The following UNC80 variants were observed in gnomAD, a reference collection of about 807,000 sequenced individuals.
UNC80 encodes the protein protein unc-80 homolog.
In UNC80, 164 loss-of-function variants were observed where a neutral mutation model predicts 384.6. That is an observed-to-expected ratio of 0.43 (90% CI 0.38 to 0.49). UNC80 has a LOEUF of 0.49. UNC80 is among the 20% of genes least tolerant of loss of function. The pLI, the probability that UNC80 is intolerant of heterozygous loss-of-function variation, is 0.00. For missense variants in UNC80, 3,330 were observed against 4,143.0 expected (o/e 0.80, Z 5.39); for synonymous variants, 1,486 against 1,527.8 (o/e 0.97, Z 0.64).
intron 13 of UNC80, among the ~76,000 whole-genome samples, chr2:209,822,172 A>G (rs997861155): frequency 6.6e-6 from 1 of 152,202 alleles, no homozygotes; most frequent in African/African-American, 2.4e-5. Context: ...AGCCTTTTCT[A>G]TACGATTTTC....
chr2:209,984,187 C>A (rs1047773952), intron 60 of UNC80, among the ~76,000 whole-genome samples: 5 of 152,212 alleles, frequency 3.3e-5, no homozygotes, highest in African/African-American at 1.2e-4. Flanking sequence ...CTCTCACCAA[C>A]CTGACAGGTT....
At chr2:209,814,457 A>T (rs1011632692) in intron 8 of UNC80, among the ~76,000 whole-genome samples, 2 of 152,140 alleles carry the variant, frequency 1.3e-5, no homozygotes, top group Non-Finnish European at 2.9e-5. Flanking sequence ...CGTGTTAGCC[A>T]GGATTGTCTC....
At chr2:209,896,891 G>GA (rs1224041247) in intron 28 of UNC80, among the ~76,000 whole-genome samples, 1 of 152,156 alleles carries the variant, frequency 6.6e-6, no homozygotes, top group Non-Finnish European at 1.5e-5. Context: ...TGATCCCAGG[G>GA]AAACTCTGGG....
rs1196135679 is a variant in UNC80 at position 209,921,484 on chromosome 2, C to G, written c.5344-16C>G. ...AAGAATTGCTATTAAATGAACTTGC[C>G]TTTATGTCTCCACAGAAATCCTTTT... On this transcript the variant is annotated splice_polypyrimidine_tract_variant and intron_variant, in intron 33 of 64. Coordinates refer to ENST00000673920, the MANE Select transcript of UNC80 (RefSeq NM_001371986.1). 1 of 1,532,638 alleles carries G rather than the reference C, an allele frequency of 6.5e-7. No individual in the cohort carries two copies. Among genetic ancestry groups the G allele is most frequent in the Non-Finnish European group, 8.8e-7 (1 of 1,138,014 alleles). The allele number at this position is 1,532,638 out of a possible 1,614,324, so 94.9% of individuals were successfully genotyped here.
chr2:209,855,534 A>T (rs1423414101), intron 22 of UNC80, among the ~76,000 whole-genome samples: 1 of 152,170 alleles, frequency 6.6e-6, no homozygotes, highest in Admixed American at 6.5e-5. Context: ...AAAAAAATCT[A>T]AAAATCACAT....
chr2:209,809,675 C>A, intron 7 of UNC80: 1 of 545,584 alleles, frequency 1.8e-6, no homozygotes, highest in Non-Finnish European at 3.3e-6. Context: ...ACACCATGTC[C>A]TCATGCCACA....
At position 209,936,881 on chromosome 2, in the gene UNC80, C is replaced by T. The variant is rs769091897; in HGVS notation, c.6311C>T (p.Ser2104Leu). The change falls in exon 41 of 65, where the codon TCA becomes TTA. Residue 2104 changes from serine (S) to leucine (L), a missense_variant. This residue lies in a region of UNC80 where 1,049 missense variants were observed against 1,488.6 expected (regional missense o/e 0.70). Coordinates refer to ENST00000673920, the MANE Select transcript of UNC80 (RefSeq NM_001371986.1). ...LEFFNIPESQ[S>L]THYFLMDKRW... ...TTTTTTAATATCCCAGAATCCCAGT[C>T]AACACATTATTTTCTTATGGATAAA... is the stretch of plus-strand genomic sequence containing the variant. 7 of 1,550,922 alleles carry T rather than the reference C, an allele frequency of 4.5e-6. No homozygotes were observed. The highest frequency in any genetic ancestry group is 6.1e-6 in the Non-Finnish European group (7 of 1,146,404).
chr2:209,807,915 G>A (rs946094634), intron 7 of UNC80, among the ~76,000 whole-genome samples: 21 of 152,252 alleles, frequency 1.4e-4, no homozygotes, highest in African/African-American at 3.8e-4. Context: ...ATTTGCTACT[G>A]AACGTCTTGT....
At chr2:209,918,862 G>A (rs1434807891) in intron 33 of UNC80, among the ~76,000 whole-genome samples, 199 bp downstream of exon 33, 1 of 152,046 alleles carries the variant, frequency 6.6e-6, no homozygotes, top group Non-Finnish European at 1.5e-5. Flanking sequence ...AAAAAGTCTT[G>A]TTTTATAATC....
intron 61 of UNC80, among the ~76,000 whole-genome samples, chr2:209,987,055 G>A (rs986700892): frequency 4.6e-5 from 7 of 152,296 alleles, no homozygotes; most frequent in African/African-American, 1.7e-4. Context: ...TAGTCCTGAT[G>A]AAAATCTGGC....
Position 209,918,681 on chromosome 2 carries a change from C to T in UNC80, c.5343+18C>T. 6.5e-7 allele frequency: 1 copy of T among 1,536,338 alleles called. No individual in the cohort carries two copies. The highest frequency in any genetic ancestry group is 8.8e-7 in the Non-Finnish European group (1 of 1,136,734). On this transcript the variant is annotated intron_variant, in intron 33 of 64. Transcript: ENST00000673920. The stretch of plus-strand genomic sequence containing the variant: ...ACCAGTCTGTGAGTAACAGACACTT[C>T]CAGGTTCCATGGTGTACGTGTAAAA...
At chr2:209,927,974 G>A (rs2090565214) in intron 36 of UNC80, among the ~76,000 whole-genome samples, 1 of 152,024 alleles carries the variant, frequency 6.6e-6, no homozygotes, top group Non-Finnish European at 1.5e-5. Flanking sequence ...TATAAAAAGT[G>A]TTAATACATT....
intron 61 of UNC80, 108 bp from the exon 62 acceptor site, chr2:209,992,058 G>A (rs1350029508): frequency 1.3e-6 from 1 of 768,412 alleles, no homozygotes; most frequent in Non-Finnish European, 2.0e-6. Context: ...CAAAGATAAT[G>A]GTATCTTTGA....
chr2:209,817,074 G>A lies in UNC80; in HGVS notation c.1501G>A (p.Gly501Arg). 1 of 1,551,754 alleles carries A rather than the reference G, an allele frequency of 6.4e-7. No homozygotes were observed. Among genetic ancestry groups the A allele is most frequent in the Non-Finnish European group, 8.7e-7 (1 of 1,147,012 alleles). The change falls in exon 10 of 65, where the codon GGA becomes AGA. Residue 501 changes from glycine (G) to arginine (R), a missense_variant. Gly to Arg is a moderately radical substitution (Grantham distance 125, BLOSUM62 -2). Around this residue, in one of 8 missense-constraint regions of UNC80, gnomAD observed 937 missense variants for 1,026.8 expected, o/e 0.91. Transcript: ENST00000673920. ...CTCCTTTGGAAGTTTCTCTGGGCTG[G>A]GAGAAGACAGGCGAGGAATTGAGAA... Reference protein sequence around the residue: ...TFSFGSFSGLGEDRRGIEKGG... With the variant: ...TFSFGSFSGLREDRRGIEKGG...
chr2:209,946,878 A>G (rs992613752), intron 47 of UNC80, among the ~76,000 whole-genome samples: 1 of 152,204 alleles, frequency 6.6e-6, no homozygotes, highest in Non-Finnish European at 1.5e-5. Flanking sequence ...CTCCCATAAG[A>G]GAATGAATAA....
intron 28 of UNC80, among the ~76,000 whole-genome samples, chr2:209,900,711 G>A (rs893901496): frequency 2.6e-5 from 4 of 152,212 alleles, no homozygotes; most frequent in Non-Finnish European, 5.9e-5. Flanking sequence ...TGAAAGTTAG[G>A]CCTCTTGTAC....
At chr2:209,983,339 A>G (rs1575221426) in intron 60 of UNC80, among the ~76,000 whole-genome samples, 1 of 69,062 alleles carries the variant, frequency 1.4e-5, no homozygotes, top group African/African-American at 3.2e-5. Flanking sequence ...ATAAATCATT[A>G]ATAAACAAGT....
intron 22 of UNC80, among the ~76,000 whole-genome samples, chr2:209,858,656 C>T (rs1336690281): frequency 8.0e-5 from 12 of 149,780 alleles, no homozygotes; most frequent in South Asian, 2.1e-4. Context: ...ATCACACAAC[C>T]GCACCCTGGT....
At chr2:209,943,700 G>T (rs1182335168) in intron 45 of UNC80, among the ~76,000 whole-genome samples, 186 bp downstream of exon 45, 1 of 152,230 alleles carries the variant, frequency 6.6e-6, no homozygotes, top group African/African-American at 2.4e-5. Context: ...GGTATGTCCT[G>T]ATTGGAGCTA....
Sources: allele counts gnomAD v4.1 joint callset (sites outside exome capture counted in the v4.1 genomes callset), GRCh38; gene constraint gnomAD v4.1.1; regional missense constraint gnomAD v4.1.1; transcripts MANE v1.5; gene names NCBI Gene and HGNC (gene_info 2026-07-23, HGNC 2026-07-21).